Variants in MGAT4C observed in about 807,000 individuals in gnomAD.
The protein encoded by MGAT4C is alpha-1,3-mannosyl-glycoprotein 4-beta-N-acetylglucosaminyltransferase C.
Under a neutral mutation model 40.1 loss-of-function variants are expected in MGAT4C, and 19 were observed. That is an observed-to-expected ratio of 0.47 (90% CI 0.33 to 0.70). The LOEUF is 0.70. Among genes scored for constraint, MGAT4C ranks in the 30% least tolerant of loss-of-function variants. The probability of loss-of-function intolerance (pLI) is 0.02; values close to 1 mark genes in which losing one functional copy is unlikely to be tolerated. For synonymous variants in MGAT4C, 181 were observed against 187.1 expected, an observed-to-expected ratio of 0.97 and a Z score of 0.27; for missense variants, 491 against 563.2, an observed-to-expected ratio of 0.87 and a Z score of 1.30.
intron 2 of MGAT4C, among the ~76,000 whole-genome samples, chr12:86,045,773 G>A (rs950130145): frequency 6.6e-6 from 1 of 152,146 alleles, no homozygotes; most frequent in Non-Finnish European, 1.5e-5. Context: ...ATTAATGACA[G>A]CATATTCATA....
intron 2 of MGAT4C, among the ~76,000 whole-genome samples, chr12:86,725,334 C>T (rs1156963589): frequency 2.6e-5 from 4 of 152,116 alleles, no homozygotes; most frequent in African/African-American, 7.2e-5. Context: ...AATATCACAT[C>T]CTTAGCCTTA....
chr12:86,358,048 T>C (rs576454086), intron 3 of MGAT4C, among the ~76,000 whole-genome samples: 1 of 151,804 alleles, frequency 6.6e-6, no homozygotes, highest in East Asian at 1.9e-4. Context: ...AAAATTGAAA[T>C]GAAGGAAAAA....
At chr12:86,501,426 T>C (rs1958338844) in intron 2 of MGAT4C, among the ~76,000 whole-genome samples, 1 of 152,060 alleles carries the variant, frequency 6.6e-6, no homozygotes, top group African/African-American at 2.4e-5. Flanking sequence ...GCTGTACCTA[T>C]CAACCTATCA....
At chr12:86,709,699 C>T (rs963109655) in intron 2 of MGAT4C, among the ~76,000 whole-genome samples, 2 of 152,088 alleles carry the variant, frequency 1.3e-5, no homozygotes, top group East Asian at 3.9e-4. Flanking sequence ...AAAGCAGGAA[C>T]CTTCCCTCTC....
At chr12:86,319,482 T>C (rs1202987903) in intron 4 of MGAT4C, among the ~76,000 whole-genome samples, 1 of 152,156 alleles carries the variant, frequency 6.6e-6, no homozygotes, top group Non-Finnish European at 1.5e-5. Context: ...TTACTATATT[T>C]ATTGGGGCAT....
At chr12:86,569,352 C>A (rs1960269746) in intron 2 of MGAT4C, among the ~76,000 whole-genome samples, 1 of 152,032 alleles carries the variant, frequency 6.6e-6, no homozygotes, top group Non-Finnish European at 1.5e-5. Flanking sequence ...AACCAAATAA[C>A]CCCATTAAAA....
chr12:86,365,361 C>A (rs974939710), intron 3 of MGAT4C, among the ~76,000 whole-genome samples: 1 of 152,060 alleles, frequency 6.6e-6, no homozygotes, highest in African/African-American at 2.4e-5. Flanking sequence ...GCTCTACAAA[C>A]AATTTGTGCA....
At chr12:86,134,379 C>T (rs1271214257) in intron 1 of MGAT4C, among the ~76,000 whole-genome samples, 1 of 152,010 alleles carries the variant, frequency 6.6e-6, no homozygotes, top group African/African-American at 2.4e-5. Context: ...TTGTTTCTTG[C>T]AGAATCTCCC....
intron 4 of MGAT4C, among the ~76,000 whole-genome samples, chr12:86,293,933 C>T (rs1010606699): frequency 6.6e-6 from 1 of 152,096 alleles, no homozygotes; most frequent in South Asian, 2.1e-4. Context: ...GTCAACTAAA[C>T]CTCTTTCCTT....
intron 3 of MGAT4C, among the ~76,000 whole-genome samples, chr12:86,385,417 TC>T (rs1389155051): frequency 6.6e-6 from 1 of 152,204 alleles, no homozygotes; most frequent in Non-Finnish European, 1.5e-5. Context: ...CAGGCTCTGT[TC>T]ATGTCATGCC....
At chr12:86,424,548 G>T (rs1263010694) in intron 3 of MGAT4C, among the ~76,000 whole-genome samples, 1 of 152,098 alleles carries the variant, frequency 6.6e-6, no homozygotes, top group African/African-American at 2.4e-5. Flanking sequence ...TCTGAGCAAC[G>T]GCTGACTGTT....
chr12:86,739,057 G>A (rs1329034990), intron 1 of MGAT4C, among the ~76,000 whole-genome samples: 1 of 121,182 alleles, frequency 8.3e-6, no homozygotes, highest in Non-Finnish European at 1.6e-5. Context: ...ATTTATTATT[G>A]TCATTCCAAT....
At chr12:86,679,526 T>C (rs1201633227) in intron 2 of MGAT4C, among the ~76,000 whole-genome samples, 2 of 151,996 alleles carry the variant, frequency 1.3e-5, no homozygotes, top group African/African-American at 4.8e-5. Flanking sequence ...ACTGCAATAG[T>C]TTGAATGTGC....
chr12:86,212,998 A>C (rs1307681736), intron 1 of MGAT4C, among the ~76,000 whole-genome samples: 3 of 149,474 alleles, frequency 2.0e-5, no homozygotes, highest in Non-Finnish European at 4.4e-5. Context: ...CAGTGTCTTT[A>C]AAAGTAAGCT....
Position 86,011,803 on chromosome 12 carries a change from C to T in MGAT4C, c.-6-22251G>A, listed in dbSNP as rs568312051. ...AACATGGCAGACACAAACTCACCAT[C>T]CTTTACCAGCTCCAAGTGTTAAAGT... On this transcript the variant is annotated intron_variant, in intron 2 of 4. Transcript: ENST00000611864. 2.2e-5 allele frequency: 22 copies of T among 982,268 alleles called. No individual in the cohort carries two copies. The African/African-American group carries it at 3.5e-4, about 16-fold the overall frequency. The allele number at this position is 982,268 out of a possible 1,614,324, so 60.8% of individuals were successfully genotyped here.
chr12:86,323,034 A>G (rs1295856311), intron 4 of MGAT4C, among the ~76,000 whole-genome samples: 1 of 151,736 alleles, frequency 6.6e-6, no homozygotes. Context: ...TTAAAATCCT[A>G]TTGTAAAACT....
At chr12:86,709,162 A>G (rs1950514355) in intron 2 of MGAT4C, among the ~76,000 whole-genome samples, 1 of 152,134 alleles carries the variant, frequency 6.6e-6, no homozygotes, top group South Asian at 2.1e-4. Context: ...TTCCTGTGAT[A>G]GTGAATAAGT....
At chr12:86,332,843 A>C (rs534466756) in intron 4 of MGAT4C, among the ~76,000 whole-genome samples, 2 of 152,244 alleles carry the variant, frequency 1.3e-5, no homozygotes, top group East Asian at 3.9e-4. Flanking sequence ...GTGCTAAAAG[A>C]GGACAGGTTG....
At chr12:86,798,491 T>C (rs963334601) in intron 1 of MGAT4C, among the ~76,000 whole-genome samples, 2 of 151,956 alleles carry the variant, frequency 1.3e-5, no homozygotes, top group Admixed American at 6.6e-5. Flanking sequence ...ATTATGTGCA[T>C]CTCTTTTTCT....
Sources: gnomAD v4.1 joint callset for allele counts (sites outside exome capture counted in the v4.1 genomes callset) on GRCh38, gnomAD v4.1.1 for gene constraint, MANE v1.5 for transcripts, NCBI Gene and HGNC (gene_info 2026-07-23, HGNC 2026-07-21) for gene names.